PCSK5: variants seen among roughly 807,000 people sequenced by gnomAD.
PCSK5 encodes the protein proprotein convertase subtilisin/kexin type 5, also known as prohormone convertase 5.
Under a neutral mutation model 233.2 loss-of-function variants are expected in PCSK5, and 129 were observed. The ratio of observed to expected loss-of-function variants is 0.55; its 90% CI spans 0.48 to 0.64. PCSK5 has a LOEUF of 0.64. Among genes scored for constraint, PCSK5 ranks in the 30% least tolerant of loss-of-function variants. The pLI is 0.00. For missense variants in PCSK5, 2,076 were observed against 2,430.1 expected (o/e 0.85, Z 3.06); for synonymous variants, 825 against 879.2 (o/e 0.94, Z 1.09).
At chr9:76,357,825 C>T (rs539395431) in intron 37 of PCSK5, among the ~76,000 whole-genome samples, 1 of 152,318 alleles carries the variant, frequency 6.6e-6, no homozygotes, top group Admixed American at 6.5e-5. Flanking sequence ...ATTTCTAAGG[C>T]CCCACATGGC....
At chr9:76,125,395 G>A (rs960131263) in intron 9 of PCSK5, among the ~76,000 whole-genome samples, 8 of 152,164 alleles carry the variant, frequency 5.3e-5, no homozygotes, top group African/African-American at 1.7e-4. Flanking sequence ...TGCAGGTGGC[G>A]AGGGTCAGAG....
chr9:76,208,645 T>G (rs1825213577), intron 20 of PCSK5, among the ~76,000 whole-genome samples: 1 of 152,212 alleles, frequency 6.6e-6, no homozygotes, highest in Non-Finnish European at 1.5e-5. Flanking sequence ...CATCTGTTCT[T>G]AAAAATATTC....
At chr9:76,034,042 G>A (rs548847052) in intron 5 of PCSK5, among the ~76,000 whole-genome samples, 1 of 152,264 alleles carries the variant, frequency 6.6e-6, no homozygotes, top group Non-Finnish European at 1.5e-5. Flanking sequence ...ACAGGTTCAC[G>A]ATGCATTACA....
intron 24 of PCSK5, among the ~76,000 whole-genome samples, chr9:76,281,297 C>T (rs1587831491): frequency 6.6e-6 from 1 of 152,356 alleles, no homozygotes; most frequent in East Asian, 1.9e-4. Context: ...GACAGGCTGA[C>T]TCTCTTATTA....
intron 3 of PCSK5, 144 bp from the exon 4 acceptor site, chr9:76,023,594 G>A: frequency 3.1e-6 from 2 of 639,900 alleles, no homozygotes; most frequent in Admixed American, 2.7e-5. Context: ...AAGCCCAGGA[G>A]TTTGAGGTTA....
chr9:76,148,881 C>G (rs535207223), intron 10 of PCSK5, among the ~76,000 whole-genome samples: 1 of 152,202 alleles, frequency 6.6e-6, no homozygotes, highest in African/African-American at 2.4e-5. Context: ...TTTCCTTGAT[C>G]GTTGGCCCTC....
chr9:75,985,629 G>A (rs73450673), intron 2 of PCSK5, among the ~76,000 whole-genome samples: 3,710 of 152,224 alleles, frequency 0.024, 161 homozygotes, highest in African/African-American at 0.085. Flanking sequence ...GCCTGGTTTT[G>A]TATATAAAGT....
chr9:76,247,176 A>G (rs535131057), intron 24 of PCSK5, among the ~76,000 whole-genome samples: 2 of 152,232 alleles, frequency 1.3e-5, no homozygotes. Context: ...CACAGTGGAC[A>G]CCCTGCCTGA....
chr9:76,309,481 G>A (rs914100244), intron 29 of PCSK5, among the ~76,000 whole-genome samples: 1 of 152,132 alleles, frequency 6.6e-6, no homozygotes, highest in Admixed American at 6.5e-5. Flanking sequence ...ATCACTTGAG[G>A]CCAGGAGTTG....
At position 76,302,088 on chromosome 9, in the gene PCSK5, C is replaced by G. The variant is rs1009740261; in HGVS notation, c.3524-49C>G. 6.0e-6 allele frequency: 5 copies of G among 828,038 alleles called. No homozygotes were observed. The African/African-American group carries it at 1.1e-4, about 18-fold the overall frequency. The allele number at this position is 828,038 out of a possible 1,614,324, so 51.3% of individuals were successfully genotyped here. On this transcript the variant is annotated intron_variant, in intron 27 of 37. Coordinates refer to ENST00000674117, the MANE Select transcript of PCSK5 (RefSeq NM_001372043.1). ...TATAGGTGAAGTTTATCTTCTTTATCCTTTTTGCATTAAAAAAAAACTAAA... is the reference window on the plus strand; with the variant it reads ...TATAGGTGAAGTTTATCTTCTTTATGCTTTTTGCATTAAAAAAAAACTAAA...
Position 76,359,207 on chromosome 9 carries a change from G to A in PCSK5, c.*285G>A, listed in dbSNP as rs1459123419. 1 of 378,468 alleles carries A rather than the reference G, an allele frequency of 2.6e-6. No homozygotes were observed. Among genetic ancestry groups the A allele is most frequent in the East Asian group, 4.5e-5 (1 of 22,018 alleles). 23.4% of individuals were successfully genotyped at this position (378,468 alleles called of 1,614,324 possible). On this transcript the variant is annotated 3_prime_UTR_variant, in exon 38 of 38. Coordinates refer to ENST00000674117, the MANE Select transcript of PCSK5 (RefSeq NM_001372043.1). ...GTTAAGACACAAAAATGAAGGAAGT[G>A]AAAACAAATGAGATTTGTACAAACT...
At chr9:76,242,954 T>C (rs1323711749) in intron 24 of PCSK5, among the ~76,000 whole-genome samples, 1 of 152,178 alleles carries the variant, frequency 6.6e-6, no homozygotes, top group East Asian at 1.9e-4. Context: ...TGTATGAATG[T>C]GTGTGAACTC....
Position 76,358,624 on chromosome 9 carries a change from T to C in PCSK5, c.5366T>C (p.Val1789Ala), listed in dbSNP as rs1184494486. 6.2e-7 allele frequency: 1 copy of C among 1,612,718 alleles called. No homozygotes were observed. Among genetic ancestry groups the C allele is most frequent in the South Asian group, 1.1e-5 (1 of 91,082 alleles). Residue 1789 changes from valine (V) to alanine (A), a missense_variant, in exon 38 of 38, where the codon GTA becomes GCA. Around this residue, in one of 6 missense-constraint regions of PCSK5, gnomAD observed 1,510 missense variants for 1,538.1 expected, o/e 0.98. Coordinates refer to ENST00000674117, the MANE Select transcript of PCSK5 (RefSeq NM_001372043.1). Reference sequence around the variant, plus strand: ...GTGCTTCTGCTCGGGGCAGCTGTGGTAGTGTGGAAGAAATCTCGTGGCCGA... The same window carrying C: ...GTGCTTCTGCTCGGGGCAGCTGTGGCAGTGTGGAAGAAATCTCGTGGCCGA... Reference protein sequence around the residue: ...MLVLLLGAAVVVWKKSRGRVQ... With the variant: ...MLVLLLGAAVAVWKKSRGRVQ...
rs150021157 is a variant in PCSK5, at chr9:76,328,028, G to C, written c.4359G>C (p.Leu1453Phe). ...KECRDCHKSC[L>F]TCSSSGTCTT... ...CCACAGATTGCCACAAGTCCTGCTT[G>C]ACCTGCTCATCATCTGGGACCTGCA... is the stretch of plus-strand genomic sequence containing the variant. Residue 1453 changes from leucine to phenylalanine, a missense_variant, in exon 33 of 38, where the codon TTG becomes TTC. Around this residue, in one of 6 missense-constraint regions of PCSK5, gnomAD observed 1,510 missense variants for 1,538.1 expected, o/e 0.98. Transcript: ENST00000674117. The C allele has an allele frequency of 0.014, 22,303 of 1,611,852 alleles. 195 individuals are homozygous for C. The highest frequency in any genetic ancestry group is 0.021 in the Middle Eastern group (127 of 6,028).
At chr9:76,089,266 G>A (rs1001545343) in intron 7 of PCSK5, among the ~76,000 whole-genome samples, 1 of 152,252 alleles carries the variant, frequency 6.6e-6, no homozygotes, top group African/African-American at 2.4e-5. Flanking sequence ...GGAGTGGAAT[G>A]ACAAGGGGCT....
chr9:76,232,172 T>C (rs1826111000), intron 21 of PCSK5, among the ~76,000 whole-genome samples: 2 of 152,160 alleles, frequency 1.3e-5, no homozygotes, highest in Non-Finnish European at 2.9e-5. Flanking sequence ...CCAGTGCCAA[T>C]ACAGGAACAA....
At chr9:76,134,754 A>G (rs1822903192) in intron 10 of PCSK5, among the ~76,000 whole-genome samples, 1 of 152,100 alleles carries the variant, frequency 6.6e-6, no homozygotes, top group South Asian at 2.1e-4. Flanking sequence ...TATAATGTCC[A>G]GTCCTTATGC....
intron 2 of PCSK5, among the ~76,000 whole-genome samples, chr9:75,945,296 A>T (rs766966869): frequency 3.3e-5 from 5 of 152,052 alleles, no homozygotes; most frequent in Admixed American, 1.3e-4. Context: ...TGGCACCATG[A>T]TTTATCCATT....
At chr9:75,917,169 A>AG (rs1303636122) in intron 1 of PCSK5, among the ~76,000 whole-genome samples, 6 of 107,054 alleles carry the variant, frequency 5.6e-5, no homozygotes, top group African/African-American at 1.5e-4. Flanking sequence ...ACTCCGTCTC[A>AG]GAAAAAAAAA....
Sources: gnomAD v4.1 joint callset for allele counts (sites outside exome capture counted in the v4.1 genomes callset) on GRCh38, gnomAD v4.1.1 for gene constraint, gnomAD v4.1.1 regional missense constraint, MANE v1.5 for transcripts, NCBI Gene and HGNC (gene_info 2026-07-23, HGNC 2026-07-21) for gene names.